SMYD3: variants seen among roughly 807,000 people sequenced by gnomAD.
The protein encoded by SMYD3 is SET and MYND domain containing 3.
In SMYD3, 36 loss-of-function variants were observed where a neutral mutation model predicts 57.7. The ratio of observed to expected loss-of-function variants is 0.62; its 90% CI spans 0.48 to 0.82. The LOEUF (loss-of-function observed/expected upper bound fraction) is 0.82. SMYD3 is among the 40% of genes least tolerant of loss of function. The probability of loss-of-function intolerance (pLI) is 0.00; values close to 1 mark genes in which losing one functional copy is unlikely to be tolerated. For missense variants in SMYD3, 515 were observed against 538.8 expected, an observed-to-expected ratio of 0.96 and a Z score of 0.44; for synonymous variants, 211 against 195.0, an observed-to-expected ratio of 1.08 and a Z score of -0.68.
intron 10 of SMYD3, among the ~76,000 whole-genome samples, chr1:245,793,531 G>C (rs2047392167): frequency 6.6e-6 from 1 of 151,936 alleles, no homozygotes; most frequent in Non-Finnish European, 1.5e-5. Flanking sequence ...ATGCCACCCA[G>C]AGGTCCACAT....
chr1:245,798,421 C>CAT (rs2047674001), intron 10 of SMYD3, among the ~76,000 whole-genome samples: 1 of 136,596 alleles, frequency 7.3e-6, no homozygotes, highest in Non-Finnish European at 1.6e-5. Flanking sequence ...CACACATACA[C>CAT]ACCCCCACAC....
chr1:246,439,071 AT>A (rs1406976695), intron 1 of SMYD3, among the ~76,000 whole-genome samples: 3 of 122,590 alleles, frequency 2.4e-5, no homozygotes. Context: ...TATTGGTTTT[AT>A]TTGTACTATT....
At chr1:245,948,521 G>A (rs760691509) in intron 5 of SMYD3, among the ~76,000 whole-genome samples, 19 of 152,120 alleles carry the variant, frequency 1.2e-4, no homozygotes, top group Admixed American at 7.2e-4. Context: ...CGGGGACCAC[G>A]CTGTGGCACT....
At chr1:245,978,245 TGATA>T (rs2058500187) in intron 5 of SMYD3, among the ~76,000 whole-genome samples, 2 of 152,214 alleles carry the variant, frequency 1.3e-5, no homozygotes, top group African/African-American at 2.4e-5. Flanking sequence ...CCTTACTAAT[TGATA>T]AGTTCATCTA....
chr1:246,168,869 A>G (rs2062270310), intron 5 of SMYD3, among the ~76,000 whole-genome samples: 1 of 152,158 alleles, frequency 6.6e-6, no homozygotes, highest in Admixed American at 6.5e-5. Flanking sequence ...ATGCCTATAC[A>G]GTGTCCATGT....
At chr1:245,971,274 A>G (rs182679261) in intron 5 of SMYD3, among the ~76,000 whole-genome samples, 4 of 152,302 alleles carry the variant, frequency 2.6e-5, no homozygotes, top group Admixed American at 2.6e-4. Flanking sequence ...AGGGAGTGGA[A>G]CATCACACAC....
chr1:246,418,734 G>A (rs2067099662), intron 1 of SMYD3, among the ~76,000 whole-genome samples: 2 of 152,050 alleles, frequency 1.3e-5, no homozygotes, highest in African/African-American at 2.4e-5. Context: ...TCCTCCAACC[G>A]TCCCAGCCAA....
chr1:246,256,958 T>C (rs974144778), intron 5 of SMYD3, among the ~76,000 whole-genome samples: 4 of 152,216 alleles, frequency 2.6e-5, no homozygotes, highest in Non-Finnish European at 5.9e-5. Context: ...ATAATTTCCA[T>C]GTAACTGTGG....
chr1:246,464,198 TAG>T (rs1308888150), intron 1 of SMYD3, among the ~76,000 whole-genome samples: 4 of 151,918 alleles, frequency 2.6e-5, no homozygotes, highest in African/African-American at 9.7e-5. Flanking sequence ...AATGTGTCAG[TAG>T]AGAGAGAAAA....
At chr1:246,306,915 C>T (rs1422063572) in intron 5 of SMYD3, among the ~76,000 whole-genome samples, 1 of 151,932 alleles carries the variant, frequency 6.6e-6, no homozygotes, top group East Asian at 1.9e-4. Flanking sequence ...GATCCTCAGA[C>T]CAATGACCTG....
chr1:245,955,138 C>A (rs555192403), intron 5 of SMYD3, among the ~76,000 whole-genome samples: 1 of 152,206 alleles, frequency 6.6e-6, no homozygotes, highest in African/African-American at 2.4e-5. Flanking sequence ...GTCGCCCAGG[C>A]TGGACTGCAG....
rs1311903360 is a variant in SMYD3 at position 246,378,755 on chromosome 1, AT to A, written c.165-23662del. Reference sequence around the variant, plus strand: ...TATTATATATAATTATATATAATATATTTAATATATTATATATAATTTAATA... The same window carrying A: ...TATTATATATAATTATATATAATATATTAATATATTATATATAATTTAATA... On this transcript the variant is annotated intron_variant, in intron 1 of 11. Coordinates refer to ENST00000490107, the MANE Select transcript of SMYD3 (RefSeq NM_001167740.2). Among the ~76,000 whole-genome samples the A allele has an allele frequency of 2.4e-4, 10 of 41,178 alleles. No individual in the cohort carries two copies. The Admixed American group carries it at 2.5e-3, about 10-fold the overall frequency. 27.0% of individuals were successfully genotyped at this position (41,178 alleles called of 152,430 possible). A position where few individuals can be genotyped will look rare whatever the true frequency, so the allele number is the denominator to read the frequency against.
chr1:246,085,543 T>A (rs2060708117), intron 5 of SMYD3, among the ~76,000 whole-genome samples: 2 of 152,140 alleles, frequency 1.3e-5, no homozygotes, highest in Non-Finnish European at 2.9e-5. Context: ...CATCCTTATC[T>A]CCAAACATGC....
intron 1 of SMYD3, among the ~76,000 whole-genome samples, chr1:246,442,728 AG>A (rs2067488843): frequency 6.6e-6 from 1 of 152,176 alleles, no homozygotes; most frequent in Non-Finnish European, 1.5e-5. Flanking sequence ...GTATTGAAAT[AG>A]GCCAGAGGTT....
At chr1:246,029,496 C>A (rs573253345) in intron 5 of SMYD3, among the ~76,000 whole-genome samples, 1 of 151,402 alleles carries the variant, frequency 6.6e-6, no homozygotes, top group African/African-American at 2.4e-5. Flanking sequence ...AATGGTGAAA[C>A]CCCATCTCTA....
chr1:246,320,283 C>A (rs2065224794), intron 5 of SMYD3, among the ~76,000 whole-genome samples: 1 of 152,120 alleles, frequency 6.6e-6, no homozygotes, highest in Non-Finnish European at 1.5e-5. Flanking sequence ...GCAAAACCAG[C>A]TACAGCTAAT....
At chr1:246,106,152 G>T (rs999995260) in intron 5 of SMYD3, among the ~76,000 whole-genome samples, 1 of 152,020 alleles carries the variant, frequency 6.6e-6, no homozygotes, top group Non-Finnish European at 1.5e-5. Flanking sequence ...ACCCATATCC[G>T]GAAAATTAAT....
chr1:246,062,666 AGAT>A (rs1450485696), intron 5 of SMYD3, among the ~76,000 whole-genome samples: 2 of 152,212 alleles, frequency 1.3e-5, no homozygotes, highest in Non-Finnish European at 2.9e-5. Flanking sequence ...TTTCAAAGGC[AGAT>A]GATGTCTTAC....
chr1:246,367,010 G>A (rs928039976), intron 1 of SMYD3, among the ~76,000 whole-genome samples: 2 of 148,666 alleles, frequency 1.3e-5, no homozygotes, highest in East Asian at 3.9e-4. Context: ...GAAAAAAAGA[G>A]AAATGTCTAT....
Sources: allele counts gnomAD v4.1 joint callset (sites outside exome capture counted in the v4.1 genomes callset), GRCh38; gene constraint gnomAD v4.1.1; transcripts MANE v1.5; gene names NCBI Gene and HGNC (gene_info 2026-07-23, HGNC 2026-07-21).